Variants in CLSTN2 observed in about 807,000 individuals in gnomAD.
CLSTN2 encodes the protein calsyntenin-2.
CLSTN2 carries 48 observed loss-of-function variants against 101.2 expected under a neutral mutation model. The observed-to-expected ratio is 0.47, with a 90% CI of 0.38 to 0.60. The LOEUF is 0.60. Among genes scored for constraint, CLSTN2 ranks in the 20% least tolerant of loss-of-function variants. The probability of loss-of-function intolerance (pLI) is 0.00; values close to 1 mark genes in which losing one functional copy is unlikely to be tolerated. For synonymous variants in CLSTN2, 481 were observed against 463.6 expected (o/e 1.04, Z -0.48); for missense variants, 1,160 against 1,238.2 (o/e 0.94, Z 0.95).
rs6802670 is a variant in CLSTN2 at position 140,485,342 on chromosome 3, C to T, written c.1344+18611C>T. On this transcript the variant is annotated intron_variant, in intron 8 of 16. Coordinates refer to ENST00000458420, the MANE Select transcript of CLSTN2 (RefSeq NM_022131.3). ...GTTTTGTCTCAGAGGGGTACCCAGC[C>T]GTGTGAGGTGTCAGTCGGCCCCTAC... Among the ~76,000 whole-genome samples, 998 of 152,290 alleles carry T rather than the reference C, an allele frequency of 6.6e-3. 9 individuals are homozygous for T. The highest frequency in any genetic ancestry group is 0.022 in the African/African-American group (897 of 41,542).
intron 1 of CLSTN2, among the ~76,000 whole-genome samples, chr3:140,156,287 C>T (rs538748757): frequency 3.3e-5 from 5 of 152,250 alleles, no homozygotes; most frequent in Admixed American, 1.3e-4. Flanking sequence ...ACTTGTTCTA[C>T]GATGTTTCAA....
intron 6 of CLSTN2, among the ~76,000 whole-genome samples, chr3:140,450,359 G>T (rs1411883320): frequency 1.3e-5 from 2 of 152,204 alleles, no homozygotes; most frequent in Non-Finnish European, 2.9e-5. Context: ...AAATCTCTCA[G>T]TGAGTCTGTG....
In CLSTN2 at chr3:140,002,154, G is replaced by A. The variant is rs527665172; in HGVS notation, c.109+66671G>A. On this transcript the variant is annotated intron_variant, in intron 1 of 16. Transcript: ENST00000458420. Reference sequence around the variant, plus strand: ...CTGAGGAACCATCAAACCGTTCTCTGTAGTGGGATGTACTCATTTACATTC... The same window carrying A: ...CTGAGGAACCATCAAACCGTTCTCTATAGTGGGATGTACTCATTTACATTC... Among the ~76,000 whole-genome samples, 20 of 152,246 alleles carry A rather than the reference G, an allele frequency of 1.3e-4. No individual in the cohort carries two copies. The South Asian group carries it at 3.3e-3, about 25-fold the overall frequency.
rs575135103 is a variant in CLSTN2 at position 140,575,969 on chromosome 3, C to T, written c.*9716C>T. 2.0e-5 allele frequency: 3 copies of T among 152,172 alleles called. No individual in the cohort carries two copies. Among genetic ancestry groups the T allele is most frequent in the African/African-American group, 7.2e-5 (3 of 41,506 alleles). 9.4% of individuals were successfully genotyped at this position (152,172 alleles called of 1,614,324 possible). Reference sequence around the variant, plus strand: ...ATGTTTTTTCACTGTTGTTGTTTACCGTTAGCTCTCAAAGCAGTGGGAATA... The same window carrying T: ...ATGTTTTTTCACTGTTGTTGTTTACTGTTAGCTCTCAAAGCAGTGGGAATA... On this transcript the variant is annotated 3_prime_UTR_variant, in exon 17 of 17. Coordinates refer to ENST00000458420, the MANE Select transcript of CLSTN2 (RefSeq NM_022131.3).
Position 140,403,728 on chromosome 3 carries a change from C to T in CLSTN2, c.332C>T (p.Pro111Leu). Reference sequence around the variant, plus strand: ...GAGGGCCGGCTCCGTGCCAAGAGCCCCATTGACTGTGAGTTGCAGAAGGAG... The same window carrying T: ...GAGGGCCGGCTCCGTGCCAAGAGCCTCATTGACTGTGAGTTGCAGAAGGAG... ...SGEGRLRAKS[P>L]IDCELQKEYT... Residue 111 changes from proline (P) to leucine (L), a missense_variant, in exon 3 of 17, where the codon CCC becomes CTC. Physicochemically the swap from Pro to Leu is moderately conservative, Grantham distance 98. Coordinates refer to ENST00000458420, the MANE Select transcript of CLSTN2 (RefSeq NM_022131.3). The T allele has an allele frequency of 6.2e-7, 1 of 1,614,146 alleles. No individual in the cohort carries two copies. The highest frequency in any genetic ancestry group is 8.5e-7 in the Non-Finnish European group (1 of 1,179,990).
intron 1 of CLSTN2, among the ~76,000 whole-genome samples, chr3:140,105,908 A>T (rs2009050083): frequency 6.6e-6 from 1 of 152,174 alleles, no homozygotes. Context: ...CTAAGAGGTG[A>T]TGGGGCCTGA....
rs558907725 is a variant in CLSTN2, at chr3:140,356,700, A to G, written c.233-46929A>G. ...TTGAACCCAGGAAGCGGAGGTTGCAATGAGCCGAGATCATGCCACTGCACT... is the reference window on the plus strand; with the variant it reads ...TTGAACCCAGGAAGCGGAGGTTGCAGTGAGCCGAGATCATGCCACTGCACT... On this transcript the variant is annotated intron_variant, in intron 2 of 16. Transcript: ENST00000458420. 3.5e-3 allele frequency among the ~76,000 whole-genome samples: 520 copies of G among 147,696 alleles called. 1 individual carries two copies. Among genetic ancestry groups the G allele is most frequent in the Non-Finnish European group, 6.5e-3 (435 of 67,172 alleles).
chr3:139,949,674 C>T (rs535167379), intron 1 of CLSTN2, among the ~76,000 whole-genome samples: 1 of 152,322 alleles, frequency 6.6e-6, no homozygotes, highest in African/African-American at 2.4e-5. Context: ...AGTGAATTAG[C>T]ATAGACATAA....
At chr3:140,533,568 G>A (rs923138691) in intron 9 of CLSTN2, among the ~76,000 whole-genome samples, 1 of 152,050 alleles carries the variant, frequency 6.6e-6, no homozygotes, top group Admixed American at 6.5e-5. Flanking sequence ...AAAATTAGCC[G>A]GGCATGGTGG....
At chr3:140,553,168 C>T (rs760775940) in intron 10 of CLSTN2, among the ~76,000 whole-genome samples, 8 of 152,128 alleles carry the variant, frequency 5.3e-5, no homozygotes, top group South Asian at 2.1e-4. Context: ...AGTGAGACAC[C>T]GCTCCTCAGG....
At chr3:140,420,038 G>C (rs71619381) in intron 4 of CLSTN2, among the ~76,000 whole-genome samples, 85,860 of 148,074 alleles carry the variant, frequency 0.58, 27,318 homozygotes, top group African/African-American at 0.86. Flanking sequence ...GAGTACAGAT[G>C]TGTACCATCA....
At chr3:140,558,617 C>G in intron 11 of CLSTN2, 23 bp from the exon 12 acceptor site, 2 of 1,596,994 alleles carry the variant, frequency 1.3e-6, no homozygotes, top group East Asian at 2.2e-5. Flanking sequence ...TCATCAGTGC[C>G]ATGACCGAGA....
chr3:140,267,958 A>G lies in CLSTN2; in HGVS notation c.232+91885A>G, dbSNP rs116509206. Reference sequence around the variant, plus strand: ...GTGAAATGATATTATACCCACATTGACATCCATTAGCTCCTGTTATATAAG... The same window carrying G: ...GTGAAATGATATTATACCCACATTGGCATCCATTAGCTCCTGTTATATAAG... On this transcript the variant is annotated intron_variant, in intron 2 of 16. Transcript: ENST00000458420. Among the ~76,000 whole-genome samples, 400 of 152,284 alleles carry G rather than the reference A, an allele frequency of 2.6e-3. 4 individuals are homozygous for G. Among genetic ancestry groups the G allele is most frequent in the African/African-American group, 9.4e-3 (392 of 41,562 alleles).
At chr3:140,270,299 AC>A (rs1306860591) in intron 2 of CLSTN2, among the ~76,000 whole-genome samples, 5 of 152,186 alleles carry the variant, frequency 3.3e-5, no homozygotes, top group Non-Finnish European at 7.4e-5. Flanking sequence ...AGGTGGACTC[AC>A]ACCCATATGC....
intron 2 of CLSTN2, among the ~76,000 whole-genome samples, chr3:140,177,722 A>G (rs1173821221): frequency 6.6e-6 from 1 of 152,078 alleles, no homozygotes; most frequent in Admixed American, 6.6e-5. Flanking sequence ...GACTCAAGGA[A>G]TTTTAGATGG....
chr3:140,022,502 A>G (rs2007338652), intron 1 of CLSTN2, among the ~76,000 whole-genome samples: 1 of 152,236 alleles, frequency 6.6e-6, no homozygotes, highest in Admixed American at 6.5e-5. Flanking sequence ...TGAGAGGCCC[A>G]GACAGCACAA....
intron 1 of CLSTN2, among the ~76,000 whole-genome samples, chr3:140,074,508 C>G (rs1207549283): frequency 6.6e-6 from 1 of 152,214 alleles, no homozygotes; most frequent in African/African-American, 2.4e-5. Context: ...CACAGAAGTG[C>G]AGTTCTGGCT....
chr3:140,074,990 C>G (rs1238226089), intron 1 of CLSTN2, among the ~76,000 whole-genome samples: 1 of 152,122 alleles, frequency 6.6e-6, no homozygotes, highest in Non-Finnish European at 1.5e-5. Context: ...TTTTCAGGAT[C>G]CTGAAGTAGA....
intron 2 of CLSTN2, among the ~76,000 whole-genome samples, chr3:140,187,735 T>C (rs973057477): frequency 1.3e-5 from 2 of 152,162 alleles, no homozygotes; most frequent in Non-Finnish European, 1.5e-5. Flanking sequence ...TGGTTTCCAC[T>C]GTGTCTGTCC....
Sources: allele counts gnomAD v4.1 joint callset (sites outside exome capture counted in the v4.1 genomes callset), GRCh38; gene constraint gnomAD v4.1.1; transcripts MANE v1.5; gene names NCBI Gene and HGNC (gene_info 2026-07-23, HGNC 2026-07-21).